Variants in COL4A4 observed in about 807,000 individuals in gnomAD.
The protein encoded by COL4A4 is collagen alpha-4(IV) chain.
COL4A4 carries 105 observed loss-of-function variants against 192.9 expected under a neutral mutation model. That is an observed-to-expected ratio of 0.54 (90% CI 0.46 to 0.64). The LOEUF (loss-of-function observed/expected upper bound fraction) is 0.64. COL4A4 is among the 30% of genes least tolerant of loss of function. The probability of loss-of-function intolerance (pLI) is 0.00; values close to 1 mark genes in which losing one functional copy is unlikely to be tolerated. For synonymous variants in COL4A4, 762 were observed against 769.9 expected, an observed-to-expected ratio of 0.99 and a Z score of 0.17; for missense variants, 1,967 against 2,169.3, an observed-to-expected ratio of 0.91 and a Z score of 1.85.
At chr2:227,041,742 GGAA>G (rs1970944657) in intron 37 of COL4A4, among the ~76,000 whole-genome samples, 2 of 91,276 alleles carry the variant, frequency 2.2e-5, no homozygotes, top group African/African-American at 5.1e-5. Flanking sequence ...AAGGAAGGAA[GGAA>G]GGAAGGAAGG....
rs780525036 is a variant in COL4A4 at position 227,007,410 on chromosome 2, G to C, written c.4988C>G (p.Ser1663Cys). 5.6e-6 allele frequency: 9 copies of C among 1,614,130 alleles called. No homozygotes were observed. In the East Asian group the frequency reaches 2.0e-4, roughly 36 times the overall value. Residue 1663 changes from serine (S) to cysteine (C), a missense_variant, in exon 48 of 48, where the codon TCT becomes TGT. Transcript: ENST00000396625. ...TTVKADLQFSSAPAPDTLKES... is the reference protein window; with the variant it reads ...TTVKADLQFSCAPAPDTLKES... ...TTTTAAGGTGTCTGGTGCTGGAGCA[G>C]AGGAAAACTGCAAGTCTGCTTTCAC...
chr2:227,154,829 G>A (rs1385368368), intron 1 of COL4A4, among the ~76,000 whole-genome samples: 3 of 152,254 alleles, frequency 2.0e-5, no homozygotes, highest in African/African-American at 4.8e-5. Context: ...TCCTTTGGAG[G>A]GCTACATTTT....
the COL4A4 span, among the ~76,000 whole-genome samples, chr2:226,982,402 T>A: frequency 2.0e-5 from 3 of 152,356 alleles, no homozygotes; most frequent in African/African-American, 7.2e-5. Context: ...TGCATTGATA[T>A]TGGTATTTCT....
At chr2:227,062,684 A>AT in intron 25 of COL4A4, 86 bp from the exon 26 acceptor site, 2 of 921,498 alleles carry the variant, frequency 2.2e-6, no homozygotes, top group Non-Finnish European at 3.6e-6. Context: ...TCCTCAAGAT[A>AT]TTTTTCTGTA....
chr2:227,020,880 C>CTTTTTTTTTTTTTTTTTTTTTT (rs57119611), intron 44 of COL4A4, among the ~76,000 whole-genome samples: 2 of 127,596 alleles, frequency 1.6e-5, no homozygotes, highest in African/African-American at 3.2e-5. Context: ...ACACTTTTTT[C>CTTTTTTTTTTTTTTTTTTTTTT]TTTTTTTTTT....
intron 23 of COL4A4, among the ~76,000 whole-genome samples, chr2:227,081,750 A>T (rs2059337285): frequency 6.6e-6 from 1 of 152,150 alleles, no homozygotes; most frequent in African/African-American, 2.4e-5. Flanking sequence ...TAAATTACTT[A>T]AAAAAACGAT....
chr2:227,139,557 C>A (rs973197124), intron 4 of COL4A4, among the ~76,000 whole-genome samples: 1 of 152,200 alleles, frequency 6.6e-6, no homozygotes, highest in Non-Finnish European at 1.5e-5. Flanking sequence ...CGCAAACGTT[C>A]TGGGTGGACT....
chr2:227,125,335 C>G (rs566742007), intron 4 of COL4A4, among the ~76,000 whole-genome samples: 1 of 151,936 alleles, frequency 6.6e-6, no homozygotes, highest in Non-Finnish European at 1.5e-5. Flanking sequence ...AGCCTCCCCC[C>G]GTAGCTGGGA....
intron 34 of COL4A4, among the ~76,000 whole-genome samples, chr2:227,048,130 G>C (rs1000871477): frequency 5.9e-5 from 9 of 152,146 alleles, no homozygotes; most frequent in African/African-American, 1.9e-4. Context: ...CATTATGGTT[G>C]GGAGCCAGTT....
Position 227,146,175 on chromosome 2 carries a change from C to T in COL4A4, c.71+1238G>A, listed in dbSNP as rs550106921. Among the ~76,000 whole-genome samples, 8 of 152,246 alleles carry T rather than the reference C, an allele frequency of 5.3e-5. No homozygotes were observed. In the South Asian group the frequency reaches 1.2e-3, roughly 24 times the overall value. ...GCTCCAAAGAGTGCAGACAGAATGG[C>T]CCCGAGGGGGCCAGCTCGGGTCAGG... On this transcript the variant is annotated intron_variant, in intron 2 of 47. Transcript: ENST00000396625.
chr2:227,126,437 C>T (rs1342182550), intron 4 of COL4A4, among the ~76,000 whole-genome samples: 3 of 152,188 alleles, frequency 2.0e-5, no homozygotes, highest in African/African-American at 7.2e-5. Context: ...ACACCATGAG[C>T]AATGACTCTG....
At position 227,006,768 on chromosome 2, in the gene COL4A4, T is replaced by C. The variant is rs1259003516; in HGVS notation, c.*557A>G. Reference sequence around the variant, plus strand: ...ACGCTGGCAGTGTGAATTTTTTTTTTTCTTCTTTAAAAAAAAATCTCTCTT... The same window carrying C: ...ACGCTGGCAGTGTGAATTTTTTTTTCTCTTCTTTAAAAAAAAATCTCTCTT... On this transcript the variant is annotated 3_prime_UTR_variant, in exon 48 of 48. Coordinates refer to ENST00000396625, the MANE Select transcript of COL4A4 (RefSeq NM_000092.5). 1 of 156,358 alleles carries C rather than the reference T, an allele frequency of 6.4e-6. No individual in the cohort carries two copies. Among genetic ancestry groups the C allele is most frequent in the Non-Finnish European group, 1.4e-5 (1 of 70,578 alleles). The allele number at this position is 156,358 out of a possible 1,614,324, so 9.7% of individuals were successfully genotyped here.
At chr2:227,150,403 T>C (rs572664762) in intron 1 of COL4A4, among the ~76,000 whole-genome samples, 5 of 152,182 alleles carry the variant, frequency 3.3e-5, no homozygotes, top group Admixed American at 1.3e-4. Flanking sequence ...CAGAACCAGT[T>C]TGTTGACTCC....
chr2:227,103,979 C>T lies in COL4A4; in HGVS notation c.809G>A (p.Gly270Glu). 6.2e-7 allele frequency: 1 copy of T among 1,613,070 alleles called. No homozygotes were observed. The highest frequency in any genetic ancestry group is 8.5e-7 in the Non-Finnish European group (1 of 1,179,502). The part of the protein sequence containing the change: ...VEPPDFCLYK[G>E]EKGIKGIPGM... Reference sequence around the variant, plus strand: ...TATGGATTTGGGAATTACCTTTTCTCCTTTATAGAGACAAAAGTCAGGTGG... The same window carrying T: ...TATGGATTTGGGAATTACCTTTTCTTCTTTATAGAGACAAAAGTCAGGTGG... The change falls in exon 13 of 48, where the codon GGA becomes GAA. Residue 270 changes from glycine to glutamate, a missense_variant. Gly to Glu is a moderately conservative substitution (Grantham distance 98). Transcript: ENST00000396625.
In COL4A4 at chr2:227,090,427, C is replaced by T. The variant is rs145841298; in HGVS notation, c.1370-470G>A. Among the ~76,000 whole-genome samples, 511 of 152,152 alleles carry T rather than the reference C, an allele frequency of 3.4e-3. 3 individuals are homozygous for T. The highest frequency in any genetic ancestry group is 0.012 in the African/African-American group (482 of 41,506). ...AAACAGTTTGGCATCCTCCCCAAAT[C>T]CCAGTAGAGTAAAAGAATATTATAA... On this transcript the variant is annotated intron_variant, in intron 20 of 47. Coordinates refer to ENST00000396625, the MANE Select transcript of COL4A4 (RefSeq NM_000092.5).
In COL4A4 at chr2:227,057,537, C is replaced by T. The variant is rs371817534; in HGVS notation, c.2447G>A (p.Gly816Glu). ...AGGTGGACCTGGGACACCTGGAAACCCAGCATGTCCCTCTCTGCCTTTGGG... is the reference window on the plus strand; with the variant it reads ...AGGTGGACCTGGGACACCTGGAAACTCAGCATGTCCCTCTCTGCCTTTGGG... ...KGPKGREGHA[G>E]FPGVPGPPGH... The change falls in exon 29 of 48, where the codon GGG becomes GAG. Residue 816 changes from glycine to glutamate, a missense_variant. By Grantham distance (98) the Gly-to-Glu change is moderately conservative (BLOSUM62 -2). Coordinates refer to ENST00000396625, the MANE Select transcript of COL4A4 (RefSeq NM_000092.5). 17 of 1,613,888 alleles carry T rather than the reference C, an allele frequency of 1.1e-5. No homozygotes were observed. In the East Asian group the frequency reaches 3.3e-4, roughly 32 times the overall value.
chr2:227,140,308 A>G (rs2063115371), intron 3 of COL4A4, 70 bp from the exon 4 acceptor site: 1 of 1,279,490 alleles, frequency 7.8e-7, no homozygotes, highest in Non-Finnish European at 1.1e-6. Flanking sequence ...CACATACATT[A>G]TAACAAGCAC....
the COL4A4 span, among the ~76,000 whole-genome samples, chr2:226,993,065 G>A: frequency 7.2e-5 from 11 of 152,154 alleles, no homozygotes; most frequent in African/African-American, 2.4e-4. Flanking sequence ...GGTTCTCCTC[G>A]AATGCCCTGC....
At chr2:227,159,115 GACT>G (rs2125539580) in intron 1 of COL4A4, among the ~76,000 whole-genome samples, 1 of 152,158 alleles carries the variant, frequency 6.6e-6, no homozygotes, top group South Asian at 2.1e-4. Context: ...CCACACAATG[GACT>G]ACTACTCAGC....
Sources: gnomAD v4.1 joint callset for allele counts (sites outside exome capture counted in the v4.1 genomes callset) on GRCh38, gnomAD v4.1.1 for gene constraint, MANE v1.5 for transcripts, NCBI Gene and HGNC (gene_info 2026-07-23, HGNC 2026-07-21) for gene names.